Variants in TTC13 observed in about 807,000 individuals in gnomAD.
The protein encoded by TTC13 is tetratricopeptide repeat protein 13.
In TTC13, 62 loss-of-function variants were observed where a neutral mutation model predicts 120.0. The ratio of observed to expected loss-of-function variants is 0.52; its 90% CI spans 0.42 to 0.64. TTC13 has a LOEUF of 0.64. Among genes scored for constraint, TTC13 ranks in the 30% least tolerant of loss-of-function variants. The pLI is 0.00. For synonymous variants in TTC13, 384 were observed against 393.5 expected (o/e 0.98, Z 0.28); for missense variants, 824 against 1,050.2 (o/e 0.78, Z 2.98).
intron 17 of TTC13, among the ~76,000 whole-genome samples, chr1:230,918,143 C>T (rs1370838667): frequency 6.6e-6 from 1 of 152,318 alleles, no homozygotes; most frequent in East Asian, 1.9e-4. Flanking sequence ...TGGAACCAGA[C>T]TCTGTTTTGC....
At chr1:230,929,211 A>T in intron 11 of TTC13, 118 bp from the exon 12 acceptor site, 1 of 1,136,798 alleles carries the variant, frequency 8.8e-7, no homozygotes, top group Non-Finnish European at 1.2e-6. Flanking sequence ...AATTCTAAAG[A>T]GTTTCTAAAT....
chr1:230,910,543 A>G (rs1558160693), intron 20 of TTC13, among the ~76,000 whole-genome samples: 1 of 152,164 alleles, frequency 6.6e-6, no homozygotes, highest in Non-Finnish European at 1.5e-5. Flanking sequence ...AGGATTGAAG[A>G]GATGTAGGGA....
At chr1:230,973,722 T>C (rs1043334162) in intron 1 of TTC13, among the ~76,000 whole-genome samples, 1 of 152,200 alleles carries the variant, frequency 6.6e-6, no homozygotes. Context: ...ATACTGTCTG[T>C]AAAGAGTATA....
At position 230,978,495 on chromosome 1, in the gene TTC13, C is replaced by T. The variant is rs1052275914; in HGVS notation, c.271+65G>A. The T allele has an allele frequency of 1.0e-4, 47 of 465,534 alleles. No homozygotes were observed. The highest frequency in any genetic ancestry group is 7.4e-4 in the African/African-American group (36 of 48,894). 28.8% of individuals were successfully genotyped at this position (465,534 alleles called of 1,614,324 possible). On this transcript the variant is annotated intron_variant, in intron 1 of 22. Transcript: ENST00000366661. This position sits in a 1 kb window ranked among gnomAD's most constrained non-coding sequence, Gnocchi z 5.6. The stretch of plus-strand genomic sequence containing the variant: ...AGGCCCGGGCGACCCGTACCCCGGC[C>T]CGGGACCCCAGCCCCGCTGCCCCGC...
intron 1 of TTC13, among the ~76,000 whole-genome samples, chr1:230,962,596 T>C (rs1676745984): frequency 6.6e-6 from 1 of 152,192 alleles, no homozygotes; most frequent in Non-Finnish European, 1.5e-5. Context: ...CCTAGGTATA[T>C]ACCCCCAAAA....
chr1:230,939,594 A>G, intron 7 of TTC13, 98 bp from the exon 8 acceptor site: 3 of 698,180 alleles, frequency 4.3e-6, no homozygotes, highest in East Asian at 5.4e-5. Context: ...ATCTCAATTC[A>G]TCCTCTGCCC....
chr1:230,921,194 A>G (rs941451039), intron 16 of TTC13, among the ~76,000 whole-genome samples: 1 of 152,224 alleles, frequency 6.6e-6, no homozygotes, highest in African/African-American at 2.4e-5. Flanking sequence ...AGACTAGAAA[A>G]GTCACAATAG....
At chr1:230,934,714 G>A (rs1673881181) in intron 8 of TTC13, among the ~76,000 whole-genome samples, 1 of 152,104 alleles carries the variant, frequency 6.6e-6, no homozygotes, top group Admixed American at 6.6e-5. Context: ...TTTTCCTAAG[G>A]AAAAGACATA....
In TTC13 at chr1:230,954,398, C is replaced by G. The variant is rs561151513; in HGVS notation, c.448G>C (p.Ala150Pro). The change falls in exon 4 of 23, where the codon GCT becomes CCT. Residue 150 changes from alanine to proline, a missense_variant. Physicochemically the swap from Ala to Pro is conservative, Grantham distance 27. Around this residue, in one of 4 missense-constraint regions of TTC13, gnomAD observed 430 missense variants for 626.8 expected, o/e 0.69. Transcript: ENST00000366661. ...AGACCACTGCCAATCAAGACATAAG[C>G]AATAGCTATGAAACAAAATACAAAA... ...NDSTNEELAI[A>P]YVLIGSGLYD... 2 of 1,608,776 alleles carry G rather than the reference C, an allele frequency of 1.2e-6. No individual in the cohort carries two copies. Among genetic ancestry groups the G allele is most frequent in the African/African-American group, 2.7e-5 (2 of 74,822 alleles).
chr1:230,958,432 A>G (rs569314399), intron 2 of TTC13, 133 bp from the exon 3 acceptor site: 1 of 1,019,704 alleles, frequency 9.8e-7, no homozygotes, highest in South Asian at 1.7e-5. Flanking sequence ...AAATGCCACT[A>G]TTGTGGGAAT....
At chr1:230,907,041 T>A in intron 22 of TTC13, 22 bp from the exon 23 acceptor site, 1 of 1,302,338 alleles carries the variant, frequency 7.7e-7, no homozygotes, top group African/African-American at 1.5e-5. Context: ...AAACACAAAG[T>A]AGCGGCATGA....
At chr1:230,943,698 T>TA in intron 6 of TTC13, 108 bp downstream of exon 6, 1 of 813,760 alleles carries the variant, frequency 1.2e-6, no homozygotes, top group Non-Finnish European at 1.9e-6. Context: ...TAGAAAAACA[T>TA]AAGAGTTTTA....
chr1:230,972,182 T>C (rs1247565861), intron 1 of TTC13, among the ~76,000 whole-genome samples: 1 of 152,240 alleles, frequency 6.6e-6, no homozygotes, highest in East Asian at 1.9e-4. Flanking sequence ...GTCCACTGCA[T>C]GGTGCTGGAC....
intron 22 of TTC13, 46 bp downstream of exon 22, chr1:230,908,666 T>C: frequency 6.6e-7 from 1 of 1,519,676 alleles, no homozygotes; most frequent in Non-Finnish European, 9.1e-7. Context: ...CTCCTTTTCC[T>C]CCTCCAGTTA....
In TTC13 at chr1:230,944,721, T is replaced by C. The variant is rs1361546198; in HGVS notation, c.579+668A>G. Among the ~76,000 whole-genome samples, 1 of 152,108 alleles carries C rather than the reference T, an allele frequency of 6.6e-6. No individual in the cohort carries two copies. The highest frequency in any genetic ancestry group is 2.4e-5 in the African/African-American group (1 of 41,426). On this transcript the variant is annotated intron_variant, in intron 5 of 22. Coordinates refer to ENST00000366661, the MANE Select transcript of TTC13 (RefSeq NM_024525.5). The surrounding 1 kb of genome is among the most constrained non-coding windows in gnomAD (Gnocchi z 4.0). The stretch of plus-strand genomic sequence containing the variant: ...TAATGTAAAAGTTGCAAAAGTGGCA[T>C]TTCTCTCAAAGCACAATTTCACACA...
At chr1:230,977,494 C>A (rs1407640984) in intron 1 of TTC13, among the ~76,000 whole-genome samples, 1 of 152,122 alleles carries the variant, frequency 6.6e-6, no homozygotes, top group South Asian at 2.1e-4. Context: ...ATAAAAAAGT[C>A]ACAAACCTCT....
chr1:230,951,964 A>G (rs1675635639), intron 4 of TTC13, among the ~76,000 whole-genome samples: 1 of 152,214 alleles, frequency 6.6e-6, no homozygotes, highest in South Asian at 2.1e-4. Context: ...TGAAATCAAC[A>G]GAAAACTCAA....
At chr1:230,943,668 A>C in intron 6 of TTC13, 138 bp downstream of exon 6, 1 of 583,630 alleles carries the variant, frequency 1.7e-6, no homozygotes, top group Non-Finnish European at 3.0e-6. Flanking sequence ...AACCATGCTT[A>C]AAGGCATTAA....
At chr1:230,951,971 TCAAA>T (rs748737510) in intron 4 of TTC13, among the ~76,000 whole-genome samples, 5 of 152,154 alleles carry the variant, frequency 3.3e-5, no homozygotes, top group African/African-American at 9.7e-5. Flanking sequence ...AACAGAAAAC[TCAAA>T]CAGAGACTGC....
Sources: gnomAD v4.1 joint callset for allele counts (sites outside exome capture counted in the v4.1 genomes callset) on GRCh38, gnomAD v4.1.1 for gene constraint, gnomAD v4.1.1 regional missense constraint, Gnocchi (gnomAD v3.1) non-coding constraint, MANE v1.5 for transcripts, NCBI Gene and HGNC (gene_info 2026-07-23, HGNC 2026-07-21) for gene names.